The following DLG2 variants were observed in gnomAD, a reference collection of about 807,000 sequenced individuals.
The protein encoded by DLG2 is disks large homolog 2.
A neutral mutation model predicts 132.5 loss-of-function variants in DLG2; 45 were observed. That is an observed-to-expected ratio of 0.34 (90% CI 0.27 to 0.44). The LOEUF (loss-of-function observed/expected upper bound fraction) is 0.44. Among genes scored for constraint, DLG2 ranks in the 20% least tolerant of loss-of-function variants. The pLI, the probability that DLG2 is intolerant of heterozygous loss-of-function variation, is 1.00. For missense variants in DLG2, 1,045 were observed against 1,196.9 expected (o/e 0.87, Z 1.87); for synonymous variants, 424 against 419.6 (o/e 1.01, Z -0.13).
chr11:84,230,298 T>A (rs1451056385), intron 8 of DLG2, among the ~76,000 whole-genome samples: 1 of 152,212 alleles, frequency 6.6e-6, no homozygotes, highest in Non-Finnish European at 1.5e-5. Flanking sequence ...TATTATTCTC[T>A]CTCACAACTA....
chr11:83,775,357 G>T (rs1267690199), intron 18 of DLG2, among the ~76,000 whole-genome samples: 4 of 152,090 alleles, frequency 2.6e-5, no homozygotes, highest in Non-Finnish European at 5.9e-5. Flanking sequence ...GGTTGTTCTG[G>T]AGCCTTTCTG....
Position 83,893,873 on chromosome 11 carries a change from T to C in DLG2, c.1497-19385A>G, listed in dbSNP as rs539680322. On this transcript the variant is annotated intron_variant, in intron 15 of 27. Coordinates refer to ENST00000376104, the MANE Select transcript of DLG2 (RefSeq NM_001142699.3). ...TTTGAAATACCTGAGGAAAATGTGT[T>C]GACTTCATTTAACAGGAAGCATCCA... is the stretch of plus-strand genomic sequence containing the variant. 1.0e-3 allele frequency among the ~76,000 whole-genome samples: 156 copies of C among 152,332 alleles called. 5 individuals are homozygous for C. The South Asian group carries it at 0.032, about 31-fold the overall frequency.
chr11:84,986,887 A>G (rs922947593), intron 6 of DLG2, among the ~76,000 whole-genome samples: 3 of 152,232 alleles, frequency 2.0e-5, no homozygotes, highest in Non-Finnish European at 4.4e-5. Context: ...CTCCTCTTCA[A>G]CACAGTACTG....
At chr11:84,845,286 T>C (rs2081314622) in intron 6 of DLG2, among the ~76,000 whole-genome samples, 1 of 152,136 alleles carries the variant, frequency 6.6e-6, no homozygotes, top group Non-Finnish European at 1.5e-5. Flanking sequence ...AGAATAATTA[T>C]AGTTACTTCC....
chr11:84,944,709 A>C (rs779646944), intron 6 of DLG2, among the ~76,000 whole-genome samples: 1 of 147,136 alleles, frequency 6.8e-6, no homozygotes, highest in Non-Finnish European at 1.5e-5. Flanking sequence ...GGTTCAAGTG[A>C]TTCTCCTTCC....
At chr11:83,763,488 A>G (rs1211964168) in intron 18 of DLG2, among the ~76,000 whole-genome samples, 3 of 152,190 alleles carry the variant, frequency 2.0e-5, no homozygotes, top group African/African-American at 7.2e-5. Context: ...CTTCATTAGG[A>G]ATGAAAGGAG....
At chr11:85,134,796 G>C (rs1323860459) in intron 5 of DLG2, among the ~76,000 whole-genome samples, 1 of 151,906 alleles carries the variant, frequency 6.6e-6, no homozygotes, top group Non-Finnish European at 1.5e-5. Flanking sequence ...GAAAAGACAA[G>C]CTCCTAAAGT....
chr11:84,650,861 G>GTA (rs1565560648), intron 6 of DLG2, among the ~76,000 whole-genome samples: 3 of 73,920 alleles, frequency 4.1e-5, no homozygotes, highest in Non-Finnish European at 8.3e-5. Flanking sequence ...GTGTGTGTGT[G>GTA]TGTGTGTGTG....
At chr11:85,149,112 C>T (rs796372263) in intron 5 of DLG2, among the ~76,000 whole-genome samples, 3 of 152,234 alleles carry the variant, frequency 2.0e-5, no homozygotes, top group African/African-American at 7.2e-5. Context: ...GTCTATATGT[C>T]TGTTTTGGTA....
At chr11:84,909,319 A>G (rs556555347) in intron 6 of DLG2, among the ~76,000 whole-genome samples, 48 of 152,284 alleles carry the variant, frequency 3.2e-4, no homozygotes, top group Non-Finnish European at 6.0e-4. Context: ...TTTAATTATC[A>G]TAGCTTTTAT....
intron 7 of DLG2, among the ~76,000 whole-genome samples, chr11:84,274,737 T>A (rs1187830748): frequency 6.6e-6 from 1 of 152,364 alleles, no homozygotes; most frequent in East Asian, 1.9e-4. Context: ...TTTTACCTAA[T>A]TTGTAGGGAA....
intron 6 of DLG2, among the ~76,000 whole-genome samples, chr11:84,693,117 G>A (rs2058229294): frequency 6.6e-6 from 1 of 151,686 alleles, no homozygotes; most frequent in Non-Finnish European, 1.5e-5. Context: ...AATCAAAATT[G>A]TTAAGAATGT....
chr11:85,624,482 C>G (rs2081933363), intron 2 of DLG2, among the ~76,000 whole-genome samples: 1 of 152,152 alleles, frequency 6.6e-6, no homozygotes, highest in Non-Finnish European at 1.5e-5. Flanking sequence ...TTCGTCATGT[C>G]TACCACATGA....
At chr11:83,734,338 C>CCCTT (rs563427546) in intron 18 of DLG2, among the ~76,000 whole-genome samples, 2,420 of 95,144 alleles carry the variant, frequency 0.025, 43 homozygotes, top group East Asian at 0.034. Flanking sequence ...CACTAATTTT[C>CCCTT]CCTTCCTTCC....
At chr11:84,735,584 C>A (rs563274093) in intron 6 of DLG2, among the ~76,000 whole-genome samples, 1 of 152,212 alleles carries the variant, frequency 6.6e-6, no homozygotes, top group Admixed American at 6.6e-5. Flanking sequence ...TTTCAAAAAA[C>A]CAGCTCCTGG....
At chr11:85,241,323 T>C (rs545319841) in intron 4 of DLG2, among the ~76,000 whole-genome samples, 1 of 151,996 alleles carries the variant, frequency 6.6e-6, no homozygotes, top group East Asian at 1.9e-4. Flanking sequence ...GACAGTCATA[T>C]CATCTACCAA....
chr11:83,766,656 A>C (rs944603902), intron 18 of DLG2, among the ~76,000 whole-genome samples: 4 of 152,024 alleles, frequency 2.6e-5, no homozygotes, highest in African/African-American at 9.7e-5. Context: ...CATTATTAGC[A>C]ATGCTTTTGT....
At chr11:84,648,605 C>T (rs957226400) in intron 6 of DLG2, among the ~76,000 whole-genome samples, 14 of 152,072 alleles carry the variant, frequency 9.2e-5, no homozygotes, top group African/African-American at 3.4e-4. Flanking sequence ...TTGGATCGCT[C>T]ATGCACTGCT....
intron 18 of DLG2, among the ~76,000 whole-genome samples, chr11:83,642,611 CT>C (rs138944181): frequency 0.02 from 3,054 of 152,262 alleles, 44 homozygotes; most frequent in East Asian, 0.039. Flanking sequence ...TTCATGCATG[CT>C]TTGTTTTATA....
Sources: gnomAD v4.1 joint callset for allele counts (sites outside exome capture counted in the v4.1 genomes callset) on GRCh38, gnomAD v4.1.1 for gene constraint, MANE v1.5 for transcripts, NCBI Gene and HGNC (gene_info 2026-07-23, HGNC 2026-07-21) for gene names.